GRIK5: variants seen among roughly 807,000 people sequenced by gnomAD.
GRIK5 encodes the protein glutamate receptor ionotropic, kainate 5.
A neutral mutation model predicts 97.4 loss-of-function variants in GRIK5; 43 were observed. That is an observed-to-expected ratio of 0.44 (90% CI 0.35 to 0.57). The LOEUF is 0.57. GRIK5 is among the 20% of genes least tolerant of loss of function. GRIK5 has a pLI of 0.01. For synonymous variants in GRIK5, 580 were observed against 583.5 expected (o/e 0.99, Z 0.09); for missense variants, 1,015 against 1,382.0 (o/e 0.73, Z 4.21).
At chr19:42,054,214 G>A (rs994864864) in intron 9 of GRIK5, 106 bp downstream of exon 9, 14 of 1,223,218 alleles carry the variant, frequency 1.1e-5, no homozygotes, top group East Asian at 9.4e-5. Context: ...CAGTGGGTAC[G>A]GTGGGAAGAG....
rs1211348034 is a variant in GRIK5 at position 42,021,454 on chromosome 19, T to C, written c.1718A>G (p.Tyr573Cys). The change falls in exon 15 of 20, where the codon TAT becomes TGT. Residue 573 changes from tyrosine to cysteine, a missense_variant. Around this residue, in one of 5 missense-constraint regions of GRIK5, gnomAD observed 477 missense variants for 701.1 expected, o/e 0.68. Coordinates refer to ENST00000593562, the MANE Select transcript of GRIK5 (RefSeq NM_002088.5). This position sits in a 1 kb window ranked among gnomAD's most constrained non-coding sequence, Gnocchi z 4.2. ...LAARLSPYEW[Y>C]NPHPCLRARP... is the part of the protein sequence containing the mutation. ...TGCCCGCAGGCATGGGTGTGGGTTA[T>C]ACCACTCATAGGGGCTCAGCCTGTG... The C allele has an allele frequency of 4.4e-6, 7 of 1,589,352 alleles. No homozygotes were observed. In the South Asian group the frequency reaches 8.0e-5, roughly 18 times the overall value.
At position 42,019,551 on chromosome 19, in the gene GRIK5, A is replaced by G. The variant is rs1471034934; in HGVS notation, c.1871+1750T>C. Among the ~76,000 whole-genome samples, 3 of 152,320 alleles carry G rather than the reference A, an allele frequency of 2.0e-5. No individual in the cohort carries two copies. The East Asian group carries it at 5.8e-4, about 29-fold the overall frequency. On this transcript the variant is annotated intron_variant, in intron 15 of 19. Transcript: ENST00000593562. ...CTATCCTAATCCCCAGAACACATGA[A>G]GATGTGACCTTACTCAGCAAAAGAG...
intron 12 of GRIK5, among the ~76,000 whole-genome samples, chr19:42,026,768 A>T (rs146725884): frequency 0.054 from 8,102 of 150,738 alleles, 555 homozygotes; most frequent in African/African-American, 0.15. Context: ...GGGTTTCGCC[A>T]TGTTGCCCAG....
chr19:42,059,030 C>T (rs1017146786), intron 6 of GRIK5, among the ~76,000 whole-genome samples: 2 of 152,068 alleles, frequency 1.3e-5, no homozygotes, highest in Non-Finnish European at 2.9e-5. Context: ...AGCCACACTG[C>T]CTCCTTGCTG....
chr19:42,068,847 AG>A, intron 1 of GRIK5: 1 of 678,134 alleles, frequency 1.5e-6, no homozygotes, highest in Admixed American at 2.1e-5. Context: ...GGGTGGGGAC[AG>A]GGCCAAGGCC....
intron 1 of GRIK5, among the ~76,000 whole-genome samples, chr19:42,067,051 G>A (rs2076344019): frequency 6.6e-6 from 1 of 152,202 alleles, no homozygotes; most frequent in South Asian, 2.1e-4. Context: ...GGCAACCACT[G>A]GGCAAGGAGT....
chr19:42,003,499 TG>T lies in GRIK5; in HGVS notation c.2393-47del. Reference sequence around the variant, plus strand: ...GGGGGCAAAGGGAGTTGGGGCTGTGTGGGAAGGGGGCTGGGAGGGGGCTATG... The same window carrying T: ...GGGGGCAAAGGGAGTTGGGGCTGTGTGGAAGGGGGCTGGGAGGGGGCTATG... On this transcript the variant is annotated intron_variant, in intron 18 of 19. Transcript: ENST00000593562. This position sits in a 1 kb window ranked among gnomAD's most constrained non-coding sequence, Gnocchi z 4.2. 6.4e-7 allele frequency: 1 copy of T among 1,555,566 alleles called. No homozygotes were observed. The highest frequency in any genetic ancestry group is 8.7e-7 in the Non-Finnish European group (1 of 1,144,170).
In GRIK5 at chr19:42,062,516, C is replaced by T. The variant is rs983795554; in HGVS notation, c.480G>A (p.Ser160=). 7 of 1,613,944 alleles carry T rather than the reference C, an allele frequency of 4.3e-6. No homozygotes were observed. Among genetic ancestry groups the T allele is most frequent in the South Asian group, 2.2e-5 (2 of 91,086 alleles). The change falls in exon 5 of 20, where the codon TCG becomes TCA. Residue 160 remains serine, a synonymous_variant. Transcript: ENST00000593562. This position sits in a 1 kb window ranked among gnomAD's most constrained non-coding sequence, Gnocchi z 5.3. ...CAGCCTTGGCGCAGATGAGGCTGGC[C>T]GAGGGGTAGTTGAAGGACTTGAGGA... The part of the protein sequence containing the change: ...SRILKSFNYP[S]ASLICAKAEC...
At chr19:42,059,071 C>T (rs891897454) in intron 6 of GRIK5, among the ~76,000 whole-genome samples, 4 of 152,134 alleles carry the variant, frequency 2.6e-5, no homozygotes, top group Non-Finnish European at 4.4e-5. Flanking sequence ...TGCTCCTGTC[C>T]TGCAGCCTGA....
chr19:42,036,327 G>C (rs2075904708), intron 12 of GRIK5, among the ~76,000 whole-genome samples: 1 of 150,280 alleles, frequency 6.7e-6, no homozygotes, highest in Admixed American at 6.6e-5. Context: ...CTCCCAAAGT[G>C]CTGGGATTAC....
rs2075697101 is a variant in GRIK5 at position 42,021,514 on chromosome 19, C to G, written c.1698-40G>C. On this transcript the variant is annotated intron_variant, in intron 14 of 19. Coordinates refer to ENST00000593562, the MANE Select transcript of GRIK5 (RefSeq NM_002088.5). The surrounding 1 kb of genome is among the most constrained non-coding windows in gnomAD (Gnocchi z 4.2). The stretch of plus-strand genomic sequence containing the variant: ...GCAGCGTGTGGATGGGGCCCAGAGC[C>G]CAGGTGGGGAGGAAAAGGAAAGAAG... 6.8e-7 allele frequency: 1 copy of G among 1,466,610 alleles called. No individual in the cohort carries two copies. Among genetic ancestry groups the G allele is most frequent in the African/African-American group, 1.4e-5 (1 of 70,334 alleles). The allele number at this position is 1,466,610 out of a possible 1,614,324, so 90.8% of individuals were successfully genotyped here.
chr19:42,006,522 A>G lies in GRIK5; in HGVS notation c.2037+123T>C, dbSNP rs1057174085. 4.8e-6 allele frequency: 4 copies of G among 831,872 alleles called. No homozygotes were observed. In the African/African-American group the frequency reaches 6.8e-5, roughly 14 times the overall value. 51.5% of individuals were successfully genotyped at this position (831,872 alleles called of 1,614,324 possible). On this transcript the variant is annotated intron_variant, in intron 16 of 19. Coordinates refer to ENST00000593562, the MANE Select transcript of GRIK5 (RefSeq NM_002088.5). This position sits in a 1 kb window ranked among gnomAD's most constrained non-coding sequence, Gnocchi z 5.3. ...AGCACATGTGTGTTTTCTGCTCCCCAGCCTCCAGGCTGTCACTGACAATCA... is the reference window on the plus strand; with the variant it reads ...AGCACATGTGTGTTTTCTGCTCCCCGGCCTCCAGGCTGTCACTGACAATCA...
chr19:42,019,388 C>G (rs2075670105), intron 15 of GRIK5, among the ~76,000 whole-genome samples: 1 of 152,164 alleles, frequency 6.6e-6, no homozygotes, highest in South Asian at 2.1e-4. Flanking sequence ...CTACTGTTCT[C>G]TTACTGTATC....
At chr19:42,050,472 AC>A (rs1240900504) in intron 11 of GRIK5, among the ~76,000 whole-genome samples, 2 of 151,974 alleles carry the variant, frequency 1.3e-5, no homozygotes, top group African/African-American at 4.8e-5. Flanking sequence ...ATCCTGGCTA[AC>A]ACGGTGAAAC....
At chr19:42,047,764 G>A (rs1333011521) in intron 11 of GRIK5, among the ~76,000 whole-genome samples, 2 of 152,040 alleles carry the variant, frequency 1.3e-5, no homozygotes, top group Non-Finnish European at 2.9e-5. Context: ...GAGGTCAGGA[G>A]TTCAAGACCA....
At chr19:42,059,778 G>T (rs534062504) in intron 5 of GRIK5, among the ~76,000 whole-genome samples, 4 of 152,140 alleles carry the variant, frequency 2.6e-5, no homozygotes, top group African/African-American at 9.6e-5. Flanking sequence ...ACCCCTCATT[G>T]GGTGTCTTGA....
In GRIK5 at chr19:42,021,516, A is replaced by G; in HGVS notation, c.1698-42T>C. 1 of 1,460,652 alleles carries G rather than the reference A, an allele frequency of 6.8e-7. No homozygotes were observed. The highest frequency in any genetic ancestry group is 1.4e-5 in the African/African-American group (1 of 70,486). The allele number at this position is 1,460,652 out of a possible 1,614,324, so 90.5% of individuals were successfully genotyped here. Reference sequence around the variant, plus strand: ...AGCGTGTGGATGGGGCCCAGAGCCCAGGTGGGGAGGAAAAGGAAAGAAGCA... The same window carrying G: ...AGCGTGTGGATGGGGCCCAGAGCCCGGGTGGGGAGGAAAAGGAAAGAAGCA... On this transcript the variant is annotated intron_variant, in intron 14 of 19. Transcript: ENST00000593562. The surrounding 1 kb of genome is among the most constrained non-coding windows in gnomAD (Gnocchi z 4.2).
At chr19:42,013,110 T>G (rs2075583287) in intron 15 of GRIK5, among the ~76,000 whole-genome samples, 1 of 151,406 alleles carries the variant, frequency 6.6e-6, no homozygotes, top group Non-Finnish European at 1.5e-5. Context: ...TCGCGGCACT[T>G]TGGGAGGCTG....
intron 15 of GRIK5, among the ~76,000 whole-genome samples, chr19:42,014,028 C>CAAAA (rs1050872672): frequency 1.4e-5 from 1 of 69,730 alleles, no homozygotes; most frequent in Non-Finnish European, 3.0e-5. Flanking sequence ...GACTCCATCT[C>CAAAA]AAAAAAAAAA....
Sources: allele counts gnomAD v4.1 joint callset (sites outside exome capture counted in the v4.1 genomes callset), GRCh38; gene constraint gnomAD v4.1.1; regional missense constraint gnomAD v4.1.1; non-coding constraint Gnocchi (gnomAD v3.1); transcripts MANE v1.5; gene names NCBI Gene and HGNC (gene_info 2026-07-23, HGNC 2026-07-21).